AGAP1: variants seen among roughly 807,000 people sequenced by gnomAD.
The protein encoded by AGAP1 is arf-GAP with GTPase, ANK repeat and PH domain-containing protein 1.
A neutral mutation model predicts 105.3 loss-of-function variants in AGAP1; 29 were observed. That is an observed-to-expected ratio of 0.28 (90% CI 0.21 to 0.38). The LOEUF (loss-of-function observed/expected upper bound fraction) is 0.38, where lower values mean the gene tolerates loss of function less well. Ranked by LOEUF, AGAP1 falls within the 10% of genes least tolerant of loss-of-function variation. The pLI is 1.00. For missense variants in AGAP1, 998 were observed against 1,165.1 expected (o/e 0.86, Z 2.09); for synonymous variants, 509 against 485.9 (o/e 1.05, Z -0.63).
rs1575996460 is a variant in AGAP1 at position 235,993,815 on chromosome 2, C to G, written c.1645+25192C>G. On this transcript the variant is annotated intron_variant, in intron 13 of 17. Transcript: ENST00000304032. This position sits in a 1 kb window ranked among gnomAD's most constrained non-coding sequence, Gnocchi z 5.0. ...CAGTCCTGGGGAGCACAGGTGTGTC[C>G]TCACGTGCGCTTGGAGAAAGTGGAG... is the stretch of plus-strand genomic sequence containing the variant. Among the ~76,000 whole-genome samples the G allele has an allele frequency of 6.6e-6, 1 of 152,264 alleles. No individual in the cohort carries two copies. Among genetic ancestry groups the G allele is most frequent in the Middle Eastern group, 3.4e-3 (1 of 294 alleles).
rs551513779 is a variant in AGAP1, at chr2:235,566,421, G to T, written c.163+71572G>T. ...GTCAACGGCAGACTGAAGGACTGCC[G>T]CATGCATAGCTGCTATTATTAACTC... is the stretch of plus-strand genomic sequence containing the variant. On this transcript the variant is annotated intron_variant, in intron 1 of 17. Transcript: ENST00000304032. The surrounding 1 kb of genome is among the most constrained non-coding windows in gnomAD (Gnocchi z 5.2). Among the ~76,000 whole-genome samples the T allele has an allele frequency of 6.6e-6, 1 of 152,124 alleles. No homozygotes were observed. Among genetic ancestry groups the T allele is most frequent in the Admixed American group, 6.5e-5 (1 of 15,276 alleles).
In AGAP1 at chr2:235,959,579, G is replaced by T. The variant is rs546305221; in HGVS notation, c.1484-8883G>T. On this transcript the variant is annotated intron_variant, in intron 12 of 17. Coordinates refer to ENST00000304032, the MANE Select transcript of AGAP1 (RefSeq NM_001037131.3). The surrounding 1 kb of genome is among the most constrained non-coding windows in gnomAD (Gnocchi z 7.3). ...CTGGCCTCCAGGTGGGTCCTCTCTG[G>T]TCGCTCCTCACTGGTCTTGAGTCCC... Among the ~76,000 whole-genome samples, 1 of 152,102 alleles carries T rather than the reference G, an allele frequency of 6.6e-6. No individual in the cohort carries two copies. The highest frequency in any genetic ancestry group is 2.4e-5 in the African/African-American group (1 of 41,482).
intron 1 of AGAP1, among the ~76,000 whole-genome samples, chr2:235,511,874 A>ATGTGGATG (rs879692811): frequency 2.0e-5 from 3 of 149,974 alleles, no homozygotes; most frequent in Non-Finnish European, 3.0e-5. Context: ...GTGTGTGTGT[A>ATGTGGATG]TGTGAATGTG....
At chr2:235,928,822 G>A (rs1046514030) in intron 11 of AGAP1, among the ~76,000 whole-genome samples, 1 of 152,196 alleles carries the variant, frequency 6.6e-6, no homozygotes, top group African/African-American at 2.4e-5. Flanking sequence ...GGAGGAGCAT[G>A]AGTGCTCCCC....
Position 235,830,247 on chromosome 2 carries a change from A to G in AGAP1, c.1050+22916A>G, listed in dbSNP as rs988797518. Among the ~76,000 whole-genome samples the G allele has an allele frequency of 6.6e-6, 1 of 152,202 alleles. No homozygotes were observed. Among genetic ancestry groups the G allele is most frequent in the Non-Finnish European group, 1.5e-5 (1 of 68,036 alleles). On this transcript the variant is annotated intron_variant, in intron 9 of 17. Transcript: ENST00000304032. The surrounding 1 kb of genome is among the most constrained non-coding windows in gnomAD (Gnocchi z 5.5). ...GACACCAGTGGGCCAGGCTACAGTC[A>G]CCGTTTGAGTGCCCGTGGAGGATTG... is the stretch of plus-strand genomic sequence containing the variant.
At chr2:235,648,242 G>T (rs1947458440) in intron 1 of AGAP1, among the ~76,000 whole-genome samples, 1 of 152,114 alleles carries the variant, frequency 6.6e-6, no homozygotes, top group East Asian at 1.9e-4. Context: ...TGCCCTCAGG[G>T]TGGGCAGTTT....
At chr2:235,849,270 G>C (rs1273186693) in intron 9 of AGAP1, among the ~76,000 whole-genome samples, 2 of 152,202 alleles carry the variant, frequency 1.3e-5, no homozygotes, top group Non-Finnish European at 2.9e-5. Context: ...GAAGGATTTA[G>C]AATATAATTT....
chr2:235,680,042 T>C (rs1482853959), intron 1 of AGAP1, among the ~76,000 whole-genome samples: 1 of 152,224 alleles, frequency 6.6e-6, no homozygotes, highest in Non-Finnish European at 1.5e-5. Flanking sequence ...GGCTTAACCA[T>C]TGAAGATAAT....
intron 1 of AGAP1, among the ~76,000 whole-genome samples, chr2:235,584,211 C>G (rs1475296389): frequency 9.0e-6 from 1 of 111,056 alleles, no homozygotes; most frequent in Non-Finnish European, 2.0e-5. Context: ...TTTTTTTTTG[C>G]ATGGAAATCT....
At position 235,750,217 on chromosome 2, in the gene AGAP1, T is replaced by A; in HGVS notation, c.539-137T>A. The A allele has an allele frequency of 6.4e-6, 8 of 1,258,080 alleles. No homozygotes were observed. The highest frequency in any genetic ancestry group is 8.9e-6 in the Non-Finnish European group (8 of 895,186). 77.9% of individuals were successfully genotyped at this position (1,258,080 alleles called of 1,614,324 possible). A position where few individuals can be genotyped will look rare whatever the true frequency, so the allele number is the denominator to read the frequency against. ...AGTCTCTTAGTTGGGAGGCAAACGA[T>A]GCTCTACAATTCCAGATTCATAAAC... On this transcript the variant is annotated intron_variant, in intron 5 of 17. Transcript: ENST00000304032. This position sits in a 1 kb window ranked among gnomAD's most constrained non-coding sequence, Gnocchi z 5.3.
intron 1 of AGAP1, among the ~76,000 whole-genome samples, chr2:235,618,932 T>C (rs187610665): frequency 2.2e-3 from 332 of 152,112 alleles, no homozygotes; most frequent in South Asian, 3.9e-3. Context: ...ATCACAGGGG[T>C]CTCTATAAAA....
At chr2:235,868,712 G>A (rs941039534) in intron 9 of AGAP1, among the ~76,000 whole-genome samples, 2 of 152,226 alleles carry the variant, frequency 1.3e-5, no homozygotes, top group African/African-American at 4.8e-5. Flanking sequence ...TATGAGTGGT[G>A]TTTTATCACA....
chr2:235,884,457 T>TTTTTTTTGTTTG (rs1553662507), intron 10 of AGAP1, among the ~76,000 whole-genome samples: 2 of 145,268 alleles, frequency 1.4e-5, no homozygotes, highest in African/African-American at 5.4e-5. Context: ...TCACTGTTTT[T>TTTTTTTTGTTTG]TTTTTTTTTT....
rs1379665088 is a variant in AGAP1 at position 236,038,766 on chromosome 2, C to A, written c.1801-1985C>A. On this transcript the variant is annotated intron_variant, in intron 14 of 17. Coordinates refer to ENST00000304032, the MANE Select transcript of AGAP1 (RefSeq NM_001037131.3). This position sits in a 1 kb window ranked among gnomAD's most constrained non-coding sequence, Gnocchi z 4.5. ...ATAGCTAGACAGACAGACAAACCAA[C>A]CAACCACAGAAATGATACAGGTACA... is the stretch of plus-strand genomic sequence containing the variant. 1.3e-5 allele frequency among the ~76,000 whole-genome samples: 2 copies of A among 151,916 alleles called. No individual in the cohort carries two copies. The highest frequency in any genetic ancestry group is 1.5e-5 in the Non-Finnish European group (1 of 68,004).
chr2:235,991,389 G>A (rs2055557974), intron 13 of AGAP1, among the ~76,000 whole-genome samples: 2 of 152,098 alleles, frequency 1.3e-5, no homozygotes, highest in Admixed American at 6.5e-5. Flanking sequence ...GTTTTAAAAA[G>A]TGGTCCAGAG....
chr2:235,846,577 C>T (rs749898919), intron 9 of AGAP1, among the ~76,000 whole-genome samples: 1 of 151,830 alleles, frequency 6.6e-6, no homozygotes, highest in Non-Finnish European at 1.5e-5. Context: ...GTGATCATCC[C>T]ACCTCAGCCT....
chr2:236,028,075 G>C (rs2057111410), intron 13 of AGAP1, among the ~76,000 whole-genome samples: 1 of 152,142 alleles, frequency 6.6e-6, no homozygotes, highest in Non-Finnish European at 1.5e-5. Flanking sequence ...GGTTGCAGTT[G>C]GTCCTTAGGA....
chr2:235,669,225 C>G (rs1274374995), intron 1 of AGAP1, among the ~76,000 whole-genome samples: 1 of 152,162 alleles, frequency 6.6e-6, no homozygotes, highest in Non-Finnish European at 1.5e-5. Flanking sequence ...TCCTGGAAGC[C>G]CACTTGTTCC....
intron 13 of AGAP1, among the ~76,000 whole-genome samples, chr2:236,031,905 G>A (rs1039848631): frequency 1.3e-5 from 2 of 152,120 alleles, no homozygotes; most frequent in African/African-American, 4.8e-5. Flanking sequence ...ACCATTGTGG[G>A]TGACACACTC....
Sources: gnomAD v4.1 joint callset for allele counts (sites outside exome capture counted in the v4.1 genomes callset) on GRCh38, gnomAD v4.1.1 for gene constraint, Gnocchi (gnomAD v3.1) non-coding constraint, MANE v1.5 for transcripts, NCBI Gene and HGNC (gene_info 2026-07-23, HGNC 2026-07-21) for gene names.